The following ADAMTS18 variants were observed in gnomAD, a reference collection of about 807,000 sequenced individuals.
ADAMTS18 encodes the protein ADAM metallopeptidase with thrombospondin type 1 motif 18.
In ADAMTS18, 157 loss-of-function variants were observed where a neutral mutation model predicts 165.9. That is an observed-to-expected ratio of 0.95 (90% confidence interval 0.83 to 1.08). The LOEUF (loss-of-function observed/expected upper bound fraction) is 1.08. ADAMTS18 is among the 50% of genes least tolerant of loss of function. The pLI is 0.00. For synonymous variants in ADAMTS18, 782 were observed against 578.2 expected (o/e 1.35, Z -5.06); for missense variants, 2,040 against 1,534.0 (o/e 1.33, Z -5.51).
intron 3 of ADAMTS18, among the ~76,000 whole-genome samples, chr16:77,405,908 A>G (rs952585924): frequency 8.5e-5 from 13 of 152,146 alleles, no homozygotes; most frequent in Non-Finnish European, 1.9e-4. Flanking sequence ...ACTTCCAAAT[A>G]TATCAGGGTT....
intron 2 of ADAMTS18, among the ~76,000 whole-genome samples, chr16:77,433,746 C>T (rs1421223254): frequency 6.6e-6 from 1 of 152,176 alleles, no homozygotes; most frequent in Non-Finnish European, 1.5e-5. Context: ...ATCAGCTGTT[C>T]TCCTGTAGCT....
intron 3 of ADAMTS18, among the ~76,000 whole-genome samples, chr16:77,402,454 G>A (rs1042426642): frequency 1.3e-5 from 2 of 152,126 alleles, no homozygotes; most frequent in Non-Finnish European, 2.9e-5. Flanking sequence ...GCTTTTCCAG[G>A]CTCCTGCAAA....
chr16:77,323,595 G>C (rs1411387670), intron 13 of ADAMTS18, among the ~76,000 whole-genome samples: 3 of 148,892 alleles, frequency 2.0e-5, no homozygotes, highest in Non-Finnish European at 4.4e-5. Context: ...TCCTGGGTGA[G>C]TTTATGAGTC....
intron 21 of ADAMTS18, 52 bp from the exon 22 acceptor site, chr16:77,289,463 A>G: frequency 6.3e-7 from 1 of 1,596,246 alleles, no homozygotes; most frequent in Non-Finnish European, 8.6e-7. Flanking sequence ...GAGGTCAGTG[A>G]CATCAAACAG....
chr16:77,292,700 C>T (rs947846913), intron 20 of ADAMTS18, among the ~76,000 whole-genome samples: 8 of 152,146 alleles, frequency 5.3e-5, no homozygotes, highest in Non-Finnish European at 8.8e-5. Flanking sequence ...AGCAATGTTT[C>T]GTGAAGAAAT....
chr16:77,322,799 C>T (rs908286500), intron 13 of ADAMTS18, among the ~76,000 whole-genome samples: 7 of 152,078 alleles, frequency 4.6e-5, no homozygotes, highest in Admixed American at 2.6e-4. Flanking sequence ...CAGCCACTGA[C>T]AATACAGAAA....
chr16:77,398,931 G>A (rs1273547341), intron 3 of ADAMTS18, among the ~76,000 whole-genome samples: 1 of 152,160 alleles, frequency 6.6e-6, no homozygotes, highest in Admixed American at 6.5e-5. Context: ...GGTAGCTGCT[G>A]CAGGGAGATG....
At chr16:77,385,763 G>T (rs375081674) in intron 3 of ADAMTS18, among the ~76,000 whole-genome samples, 3 of 152,106 alleles carry the variant, frequency 2.0e-5, no homozygotes, top group Admixed American at 2.0e-4. Context: ...CCAGGGGTGG[G>T]GTGGAAGAGC....
At chr16:77,431,989 G>T (rs149625031) in intron 2 of ADAMTS18, among the ~76,000 whole-genome samples, 1 of 152,064 alleles carries the variant, frequency 6.6e-6, no homozygotes, top group African/African-American at 2.4e-5. Flanking sequence ...TTTTTTTGAA[G>T]ATAAAGTTAA....
chr16:77,328,507 G>A (rs947720754), intron 12 of ADAMTS18, among the ~76,000 whole-genome samples: 3 of 152,076 alleles, frequency 2.0e-5, no homozygotes, highest in Non-Finnish European at 2.9e-5. Context: ...AATGTCACGC[G>A]GCCAGAATGA....
chr16:77,327,044 C>G (rs1279755754), intron 12 of ADAMTS18, among the ~76,000 whole-genome samples: 6 of 152,212 alleles, frequency 3.9e-5, no homozygotes, highest in Non-Finnish European at 7.3e-5. Context: ...TTTGTTTTGG[C>G]TGCATAGTAT....
At chr16:77,307,073 C>T (rs1158735794) in intron 16 of ADAMTS18, among the ~76,000 whole-genome samples, 2 of 152,212 alleles carry the variant, frequency 1.3e-5, no homozygotes, top group Non-Finnish European at 2.9e-5. Flanking sequence ...ATTTCTTGAA[C>T]ATACTGGCAT....
At chr16:77,371,335 A>C (rs1467309070) in intron 3 of ADAMTS18, among the ~76,000 whole-genome samples, 1 of 152,208 alleles carries the variant, frequency 6.6e-6, no homozygotes, top group East Asian at 1.9e-4. Flanking sequence ...TGCAATCTTG[A>C]GCAAAAAGGA....
chr16:77,385,681 C>G (rs536565521), intron 3 of ADAMTS18, among the ~76,000 whole-genome samples: 1 of 152,172 alleles, frequency 6.6e-6, no homozygotes, highest in South Asian at 2.1e-4. Flanking sequence ...TGATTAAGTA[C>G]GCTACGTGGC....
chr16:77,417,608 G>T (rs11149990), intron 3 of ADAMTS18, among the ~76,000 whole-genome samples: 90,745 of 152,022 alleles, frequency 0.6, 27,993 homozygotes, highest in Middle Eastern at 0.73. Flanking sequence ...AATTGCAAAA[G>T]AGCTCTTTGC....
At chr16:77,293,819 A>T (rs1362979346) in intron 19 of ADAMTS18, among the ~76,000 whole-genome samples, 2 of 150,176 alleles carry the variant, frequency 1.3e-5, no homozygotes, top group Admixed American at 1.3e-4. Context: ...CTGAGAACCT[A>T]ACGCTGCCAC....
chr16:77,412,725 T>C (rs1041429857), intron 3 of ADAMTS18, among the ~76,000 whole-genome samples: 1 of 151,990 alleles, frequency 6.6e-6, no homozygotes, highest in East Asian at 1.9e-4. Context: ...TATGAAACCA[T>C]CAGATCACAT....
chr16:77,361,563 C>T (rs904335155), intron 7 of ADAMTS18, among the ~76,000 whole-genome samples: 2 of 152,142 alleles, frequency 1.3e-5, no homozygotes, highest in Non-Finnish European at 2.9e-5. Context: ...GTATCTCACA[C>T]CTCAATGATC....
intron 3 of ADAMTS18, among the ~76,000 whole-genome samples, chr16:77,425,761 G>A (rs924387755): frequency 6.6e-6 from 1 of 152,118 alleles, no homozygotes; most frequent in Admixed American, 6.5e-5. Flanking sequence ...AGGAGGAGTG[G>A]GCCGGGCACG....
Sources: gnomAD v4.1 joint callset for allele counts (sites outside exome capture counted in the v4.1 genomes callset) on GRCh38, gnomAD v4.1.1 for gene constraint, MANE v1.5 for transcripts, NCBI Gene and HGNC (gene_info 2026-07-23, HGNC 2026-07-21) for gene names.